USP4: variants seen among roughly 807,000 people sequenced by gnomAD.
The protein encoded by USP4 is ubiquitin carboxyl-terminal hydrolase 4.
USP4 carries 72 observed loss-of-function variants against 118.2 expected under a neutral mutation model. The observed-to-expected ratio is 0.61, with a 90% confidence interval of 0.50 to 0.74. USP4 has a LOEUF of 0.74. Among genes scored for constraint, USP4 ranks in the 30% least tolerant of loss-of-function variants. The pLI is 0.00. For synonymous variants in USP4, 415 were observed against 440.4 expected (o/e 0.94, Z 0.72); for missense variants, 1,037 against 1,185.7 (o/e 0.87, Z 1.84).
chr3:49,317,303 G>T, intron 6 of USP4: 1 of 1,459,518 alleles, frequency 6.9e-7, no homozygotes, highest in East Asian at 2.4e-5. Flanking sequence ...ACGCAGGCCA[G>T]CTTCTCTGTC....
chr3:49,321,755 A>G (rs895914253), intron 6 of USP4, among the ~76,000 whole-genome samples: 36 of 151,516 alleles, frequency 2.4e-4, no homozygotes, highest in African/African-American at 8.0e-4. Flanking sequence ...GCATTTTGGG[A>G]GGCCGAGGCA....
At chr3:49,338,138 T>C (rs2047691759) in intron 1 of USP4, among the ~76,000 whole-genome samples, 1 of 151,444 alleles carries the variant, frequency 6.6e-6, no homozygotes. Flanking sequence ...AACAATTATA[T>C]TGGTGCATCC....
intron 19 of USP4, 148 bp downstream of exon 19, chr3:49,283,839 T>G: frequency 1.2e-6 from 1 of 854,040 alleles, no homozygotes. Context: ...ACAGAAGGGG[T>G]AACTACAGCT....
Position 49,300,701 on chromosome 3 carries a change from A to C in USP4, c.1288-10T>G, listed in dbSNP as rs749490597. 5.6e-6 allele frequency: 9 copies of C among 1,612,960 alleles called. No homozygotes were observed. Among genetic ancestry groups the C allele is most frequent in the Non-Finnish European group, 6.8e-6 (8 of 1,179,320 alleles). On this transcript the variant is annotated splice_polypyrimidine_tract_variant and intron_variant, in intron 10 of 21. Coordinates refer to ENST00000265560, the MANE Select transcript of USP4 (RefSeq NM_003363.4). ...CTTCCTTTGCCACCACCTGCGTCAA[A>C]GGGATAAACAGGACATTCTCAACAC...
intron 19 of USP4, among the ~76,000 whole-genome samples, chr3:49,282,606 A>G (rs2047044961): frequency 6.6e-6 from 1 of 151,670 alleles, no homozygotes; most frequent in Non-Finnish European, 1.5e-5. Context: ...ACAAATACTT[A>G]TTATCCATCA....
intron 6 of USP4, chr3:49,317,460 C>A: frequency 1.3e-6 from 1 of 764,356 alleles, no homozygotes; most frequent in South Asian, 1.5e-5. Flanking sequence ...CCTGCTGGGT[C>A]AACATCTCCT....
chr3:49,307,016 TC>T (rs1347693079), intron 8 of USP4, among the ~76,000 whole-genome samples: 1 of 151,864 alleles, frequency 6.6e-6, no homozygotes, highest in Non-Finnish European at 1.5e-5. Flanking sequence ...ACTCCCGACC[TC>T]AGGTGATCCG....
intron 13 of USP4, among the ~76,000 whole-genome samples, chr3:49,295,714 G>GCGCGCGCGCGCGCACACACACA (rs149459963): frequency 6.7e-6 from 1 of 148,320 alleles, no homozygotes; most frequent in African/African-American, 2.6e-5. Flanking sequence ...GCGCGCGCGC[G>GCGCGCGCGCGCGCACACACACA]CACACACACA....
intron 15 of USP4, 56 bp from the exon 16 acceptor site, chr3:49,286,381 A>T: frequency 1.3e-6 from 2 of 1,539,894 alleles, no homozygotes; most frequent in Non-Finnish European, 1.8e-6. Context: ...TCAATGTTAA[A>T]AATTTTATTT....
chr3:49,280,675 G>A (rs903823367), intron 20 of USP4, 69 bp downstream of exon 20: 3 of 1,313,958 alleles, frequency 2.3e-6, no homozygotes, highest in African/African-American at 2.9e-5. Flanking sequence ...GCAATGCCTG[G>A]TCCACTGGTG....
intron 11 of USP4, 116 bp downstream of exon 11, chr3:49,300,351 C>T: frequency 1.1e-6 from 1 of 879,000 alleles, no homozygotes; most frequent in South Asian, 1.6e-5. Flanking sequence ...AGGGCCCATA[C>T]CCAGGCAAGT....
At position 49,278,524 on chromosome 3, in the gene USP4, T is replaced by G; in HGVS notation, c.2734-73A>C. 6.5e-6 allele frequency: 10 copies of G among 1,542,652 alleles called. No individual in the cohort carries two copies. The South Asian group carries it at 1.2e-4, about 19-fold the overall frequency. Reference sequence around the variant, plus strand: ...CCATTTTCCCCAGCTTTTCTCTAGCTGTCCAAAACCCTCAAGGATCTGCCA... The same window carrying G: ...CCATTTTCCCCAGCTTTTCTCTAGCGGTCCAAAACCCTCAAGGATCTGCCA... On this transcript the variant is annotated intron_variant, in intron 21 of 21. Coordinates refer to ENST00000265560, the MANE Select transcript of USP4 (RefSeq NM_003363.4).
At chr3:49,329,414 G>C (rs2047590848) in intron 2 of USP4, among the ~76,000 whole-genome samples, 1 of 151,952 alleles carries the variant, frequency 6.6e-6, no homozygotes, top group Non-Finnish European at 1.5e-5. Flanking sequence ...GTGTGGGCAG[G>C]TGGGAGTGGC....
intron 6 of USP4, among the ~76,000 whole-genome samples, chr3:49,324,477 G>A (rs1281864539): frequency 1.3e-5 from 2 of 152,124 alleles, no homozygotes; most frequent in African/African-American, 4.8e-5. Context: ...CATTCTCCAC[G>A]AGCAGAGGCT....
Position 49,327,806 on chromosome 3 carries a change from A to T in USP4, c.240T>A (p.Ser80Arg), listed in dbSNP as rs1337307142. The change falls in exon 3 of 22, where the codon AGT becomes AGA. Residue 80 changes from serine (S) to arginine (R), a missense_variant. Around this residue, in one of 3 missense-constraint regions of USP4, gnomAD observed 487 missense variants for 534.1 expected, o/e 0.91. Transcript: ENST00000265560. ...CAATTAAGTGTTCTTTCAAGGTCTGACTCTCAGGATCTAAAAAAGGAAAAG... is the reference window on the plus strand; with the variant it reads ...CAATTAAGTGTTCTTTCAAGGTCTGTCTCTCAGGATCTAAAAAAGGAAAAG... ...DNSGLFSDPE[S>R]QTLKEHLIDE... is the part of the protein sequence containing the mutation. The T allele has an allele frequency of 6.2e-7, 1 of 1,613,472 alleles. No homozygotes were observed. The highest frequency in any genetic ancestry group is 8.5e-7 in the Non-Finnish European group (1 of 1,179,600).
At position 49,284,573 on chromosome 3, in the gene USP4, C is replaced by A. The variant is rs774225927; in HGVS notation, c.2283G>T (p.Lys761Asn). 6.2e-7 allele frequency: 1 copy of A among 1,613,988 alleles called. No individual in the cohort carries two copies. The highest frequency in any genetic ancestry group is 8.5e-7 in the Non-Finnish European group (1 of 1,179,960). ...YDEQESEAYE[K>N]HVSMLQPQKK... Reference sequence around the variant, plus strand: ...TCTGAGGCTGCAACATGCTCACATGCTTCTCGTAGGCCTATGGGAATCAAA... The same window carrying A: ...TCTGAGGCTGCAACATGCTCACATGATTCTCGTAGGCCTATGGGAATCAAA... The change falls in exon 18 of 22, where the codon AAG becomes AAT. Residue 761 changes from lysine to asparagine, a missense_variant. By Grantham distance (94) the Lys-to-Asn change is moderately conservative. Transcript: ENST00000265560.
intron 20 of USP4, among the ~76,000 whole-genome samples, chr3:49,279,982 C>G (rs986992860): frequency 6.6e-5 from 10 of 152,158 alleles, no homozygotes; most frequent in Non-Finnish European, 1.5e-4. Flanking sequence ...TGAACACAGG[C>G]AGGGCACGGT....
chr3:49,279,483 C>A (rs1264169812), intron 20 of USP4, among the ~76,000 whole-genome samples: 2 of 152,114 alleles, frequency 1.3e-5, no homozygotes, highest in Admixed American at 6.6e-5. Flanking sequence ...AACTAGGAGT[C>A]CAGAGTCTGT....
intron 6 of USP4, chr3:49,311,918 G>A (rs890472625): frequency 1.7e-5 from 20 of 1,151,728 alleles, no homozygotes; most frequent in East Asian, 6.1e-5. Context: ...GCAGTGGCTC[G>A]TGCCTGTAAT....
Sources: gnomAD v4.1 joint callset for allele counts (sites outside exome capture counted in the v4.1 genomes callset) on GRCh38, gnomAD v4.1.1 for gene constraint, gnomAD v4.1.1 regional missense constraint, MANE v1.5 for transcripts, NCBI Gene and HGNC (gene_info 2026-07-23, HGNC 2026-07-21) for gene names.